DPY19L4: variants seen among roughly 807,000 people sequenced by gnomAD.
The protein encoded by DPY19L4 is probable C-mannosyltransferase DPY19L4.
In DPY19L4, 97 loss-of-function variants were observed where a neutral mutation model predicts 102.8. That is an observed-to-expected ratio of 0.94 (90% CI 0.80 to 1.12). The LOEUF (loss-of-function observed/expected upper bound fraction) is 1.12. DPY19L4 is among the 50% of genes most tolerant of loss of function. DPY19L4 has a pLI of 0.00. For missense variants in DPY19L4, 815 were observed against 850.4 expected (o/e 0.96, Z 0.52); for synonymous variants, 252 against 283.1 (o/e 0.89, Z 1.10).
intron 16 of DPY19L4, among the ~76,000 whole-genome samples, chr8:94,782,152 A>G (rs889772480): frequency 6.6e-6 from 1 of 152,196 alleles, no homozygotes; most frequent in Non-Finnish European, 1.5e-5. Context: ...AACATTTGTT[A>G]TTCCACACCA....
At chr8:94,720,951 CT>C (rs139273476) in intron 1 of DPY19L4, among the ~76,000 whole-genome samples, 149 of 143,690 alleles carry the variant, frequency 1.0e-3, no homozygotes, top group Admixed American at 1.1e-3. Context: ...GCCCCCCTGC[CT>C]TTTTTTTTTT....
intron 6 of DPY19L4, among the ~76,000 whole-genome samples, chr8:94,744,005 C>T (rs1236023410): frequency 1.3e-5 from 2 of 152,076 alleles, no homozygotes; most frequent in Non-Finnish European, 1.5e-5. Flanking sequence ...GAGTCTGTTT[C>T]AAAATAAATA....
At chr8:94,762,174 T>C (rs4078348) in intron 8 of DPY19L4, among the ~76,000 whole-genome samples, 45,394 of 152,088 alleles carry the variant, frequency 0.3, 7,690 homozygotes, top group African/African-American at 0.47. Flanking sequence ...CTCAGAAATA[T>C]CAGCTTTGCT....
intron 17 of DPY19L4, among the ~76,000 whole-genome samples, chr8:94,785,832 T>A (rs1485168647): frequency 6.6e-6 from 1 of 152,214 alleles, no homozygotes; most frequent in African/African-American, 2.4e-5. Flanking sequence ...TGAATTTTAT[T>A]TTTTGTGGAT....
At chr8:94,767,636 A>G (rs936334994) in intron 11 of DPY19L4, among the ~76,000 whole-genome samples, 1 of 152,072 alleles carries the variant, frequency 6.6e-6, no homozygotes, top group Non-Finnish European at 1.5e-5. Flanking sequence ...AAAAATGTTT[A>G]TCCTGATTCA....
In DPY19L4 at chr8:94,739,698, AAT is replaced by A. The variant is rs770643202; in HGVS notation, c.524_525del (p.Tyr175CysfsTer28). 1.2e-6 allele frequency: 2 copies of A among 1,613,966 alleles called. No homozygotes were observed. The highest frequency in any genetic ancestry group is 1.3e-5 in the African/African-American group (1 of 74,946). ...TTGGCATTGTTTTTGGATTGCAAGG[AAT>A]ATATGTTACTGCTTTATTTGTTACA... Reference protein sequence around the residue: ...YIGIVFGLQGIYVTALFVTSW... With the variant: ...YIGIVFGLQGXYVTALFVTSW... On this transcript the variant is annotated frameshift_variant, in exon 6 of 19. Coordinates refer to ENST00000414645, the MANE Select transcript of DPY19L4 (RefSeq NM_181787.3). LOFTEE classifies it high-confidence loss of function.
At chr8:94,720,548 G>T (rs1233259313) in intron 1 of DPY19L4, among the ~76,000 whole-genome samples, 1 of 152,164 alleles carries the variant, frequency 6.6e-6, no homozygotes, top group African/African-American at 2.4e-5. Flanking sequence ...AGTTCACTTA[G>T]GTTCAGGGGA....
intron 6 of DPY19L4, among the ~76,000 whole-genome samples, chr8:94,751,886 C>CA (rs1811949242): frequency 6.6e-6 from 1 of 152,012 alleles, no homozygotes; most frequent in South Asian, 2.1e-4. Context: ...GGGGCTCCGG[C>CA]TTTTTTTACT....
At chr8:94,756,239 A>T in intron 7 of DPY19L4, 80 bp downstream of exon 7, 1 of 1,538,862 alleles carries the variant, frequency 6.5e-7, no homozygotes, top group Non-Finnish European at 8.7e-7. Flanking sequence ...AATAAATTTT[A>T]GTCCTAGTAA....
chr8:94,789,055 A>G (rs908516863), intron 18 of DPY19L4, among the ~76,000 whole-genome samples: 1 of 152,230 alleles, frequency 6.6e-6, no homozygotes, highest in East Asian at 1.9e-4. Context: ...GAATTTTATG[A>G]AGCCTCGGGT....
At chr8:94,762,512 C>T (rs1812435482) in intron 8 of DPY19L4, among the ~76,000 whole-genome samples, 1 of 152,100 alleles carries the variant, frequency 6.6e-6, no homozygotes, top group South Asian at 2.1e-4. Context: ...GTCCCAGGCC[C>T]AGCATTGCCA....
rs1392483531 is a variant in DPY19L4, at chr8:94,780,379, C to CGT, written c.1598_1599dup (p.Pro534CysfsTer4). On this transcript the variant is annotated frameshift_variant, in exon 15 of 19. Coordinates refer to ENST00000414645, the MANE Select transcript of DPY19L4 (RefSeq NM_181787.3). LOFTEE classifies it high-confidence loss of function. ...TTTAGGCTCTTATTCTGAGCATGGC[C>CGT]GTGCCTACTATAATAGGTCTCAGCT... The CGT allele has an allele frequency of 6.7e-7, 1 of 1,484,750 alleles. No individual in the cohort carries two copies. Among genetic ancestry groups the CGT allele is most frequent in the East Asian group, 2.3e-5 (1 of 42,810 alleles). The allele number at this position is 1,484,750 out of a possible 1,614,324, so 92.0% of individuals were successfully genotyped here.
In DPY19L4 at chr8:94,744,438, A is replaced by G. The variant is rs1239202950; in HGVS notation, c.611+4648A>G. On this transcript the variant is annotated intron_variant, in intron 6 of 18. Transcript: ENST00000414645. ...CAATGGAAGCCAGGTATCTGTTATA[A>G]CCTCATCTTAGAAATGATATAACAT... 6.6e-6 allele frequency: 3 copies of G among 456,516 alleles called. No individual in the cohort carries two copies. In the East Asian group the frequency reaches 2.1e-4, roughly 32 times the overall value. The allele number at this position is 456,516 out of a possible 1,614,324, so 28.3% of individuals were successfully genotyped here.
In DPY19L4 at chr8:94,722,951, A is replaced by G. The variant is rs76333118; in HGVS notation, c.16+2937A>G. On this transcript the variant is annotated intron_variant, in intron 1 of 18. Coordinates refer to ENST00000414645, the MANE Select transcript of DPY19L4 (RefSeq NM_181787.3). ...GTTTATATTTATGCTTTCTGAACGC[A>G]ATGTTAGAGCAAAGAAAGAAGTGAC... Among the ~76,000 whole-genome samples the G allele has an allele frequency of 4.2e-3, 644 of 152,334 alleles. 35 individuals carry two copies. The East Asian group carries it at 0.11, about 27-fold the overall frequency.
chr8:94,745,455 A>T (rs918054806), intron 6 of DPY19L4, among the ~76,000 whole-genome samples: 7 of 152,178 alleles, frequency 4.6e-5, no homozygotes, highest in Non-Finnish European at 1.0e-4. Flanking sequence ...ATTAAATTTA[A>T]TCTTTGGCAA....
At chr8:94,722,146 G>A (rs948131060) in intron 1 of DPY19L4, among the ~76,000 whole-genome samples, 2 of 149,580 alleles carry the variant, frequency 1.3e-5, no homozygotes, top group African/African-American at 2.5e-5. Context: ...GGTGGCTCAC[G>A]CCTGTAATCC....
In DPY19L4 at chr8:94,734,828, C is replaced by A. The variant is rs986907018; in HGVS notation, c.252+74C>A. On this transcript the variant is annotated intron_variant, in intron 3 of 18. Coordinates refer to ENST00000414645, the MANE Select transcript of DPY19L4 (RefSeq NM_181787.3). Reference sequence around the variant, plus strand: ...CAGAATGTATGTATGATAAGTATGACAAGTGCTGTCTTATTTATGGCTATT... The same window carrying A: ...CAGAATGTATGTATGATAAGTATGAAAAGTGCTGTCTTATTTATGGCTATT... The A allele has an allele frequency of 1.9e-6, 3 of 1,588,056 alleles. No individual in the cohort carries two copies. The African/African-American group carries it at 4.1e-5, about 22-fold the overall frequency.
intron 14 of DPY19L4, among the ~76,000 whole-genome samples, chr8:94,778,636 G>A (rs1563614076): frequency 6.6e-6 from 1 of 152,052 alleles, no homozygotes; most frequent in East Asian, 1.9e-4. Flanking sequence ...TAGAACATAG[G>A]GAAGGGCTAC....
chr8:94,768,123 A>G (rs1812758159), intron 11 of DPY19L4, among the ~76,000 whole-genome samples: 1 of 152,180 alleles, frequency 6.6e-6, no homozygotes, highest in Non-Finnish European at 1.5e-5. Context: ...AAAATTCCCT[A>G]AAAGCTATAT....
Sources: allele counts gnomAD v4.1 joint callset (sites outside exome capture counted in the v4.1 genomes callset), GRCh38; gene constraint gnomAD v4.1.1; transcripts MANE v1.5; gene names NCBI Gene and HGNC (gene_info 2026-07-23, HGNC 2026-07-21).